ART3: variants seen among roughly 807,000 people sequenced by gnomAD.
ART3 encodes ecto-ADP-ribosyltransferase 3.
A neutral mutation model predicts 48.5 loss-of-function variants in ART3; 49 were observed. The ratio of observed to expected loss-of-function variants is 1.01; its 90% CI spans 0.80 to 1.28. The LOEUF (loss-of-function observed/expected upper bound fraction) is 1.28, where lower values mean the gene tolerates loss of function less well. ART3 is among the 50% of genes most tolerant of loss of function. The pLI is 0.00. For synonymous variants in ART3, 145 were observed against 157.2 expected (o/e 0.92, Z 0.58); for missense variants, 438 against 454.3 (o/e 0.96, Z 0.33).
intron 8 of ART3, 108 bp from the exon 9 acceptor site, chr4:76,103,829 C>CCTT: frequency 1.3e-6 from 1 of 775,760 alleles, no homozygotes; most frequent in South Asian, 2.4e-5. Flanking sequence ...TTCCCCCTGC[C>CCTT]TTTTTTTTTT....
intron 1 of ART3, among the ~76,000 whole-genome samples, chr4:76,047,035 C>T (rs1376899197): frequency 9.2e-5 from 14 of 152,110 alleles, no homozygotes; most frequent in Admixed American, 7.2e-4. Context: ...CCTGTTGTCG[C>T]ATCATCTGGT....
intron 1 of ART3, among the ~76,000 whole-genome samples, chr4:76,054,729 G>T (rs974589955): frequency 3.9e-5 from 6 of 152,122 alleles, no homozygotes; most frequent in African/African-American, 1.4e-4. Context: ...ACCTATTTGG[G>T]AGGCTGAGGC....
chr4:76,046,027 A>C (rs1333350126), intron 1 of ART3, among the ~76,000 whole-genome samples: 1 of 152,038 alleles, frequency 6.6e-6, no homozygotes, highest in Non-Finnish European at 1.5e-5. Flanking sequence ...AGAGATCCAG[A>C]GTAGCCTGCT....
intron 3 of ART3, among the ~76,000 whole-genome samples, chr4:76,089,059 C>A (rs1724244253): frequency 1.3e-5 from 2 of 152,172 alleles, no homozygotes; most frequent in Admixed American, 1.3e-4. Flanking sequence ...CCTTAGTAAA[C>A]ATTTGAAAAA....
chr4:76,050,753 G>A (rs28818603), intron 1 of ART3, among the ~76,000 whole-genome samples: 1 of 152,200 alleles, frequency 6.6e-6, no homozygotes, highest in South Asian at 2.1e-4. Context: ...GCCCATGGAG[G>A]GGGTGGGAGG....
intron 3 of ART3, among the ~76,000 whole-genome samples, chr4:76,090,572 T>G (rs1230279008): frequency 1.3e-5 from 2 of 152,208 alleles, no homozygotes; most frequent in African/African-American, 4.8e-5. Context: ...GCGTCTAATG[T>G]TTCTAACTGT....
intron 3 of ART3, among the ~76,000 whole-genome samples, chr4:76,087,265 G>A (rs1242098283): frequency 1.3e-5 from 2 of 152,156 alleles, no homozygotes; most frequent in African/African-American, 2.4e-5. Context: ...GGAGAAGTGC[G>A]GGTCATTGTG....
upstream of ART3, among the ~76,000 whole-genome samples, chr4:76,070,832 C>A (rs1308896388): frequency 6.6e-6 from 1 of 152,078 alleles, no homozygotes; most frequent in African/African-American, 2.4e-5. Flanking sequence ...CAACCCACTT[C>A]TTTCCAGCAT....
intron 1 of ART3, chr4:76,021,649 G>A: frequency 5.2e-6 from 2 of 387,118 alleles, no homozygotes; most frequent in East Asian, 7.9e-5. Flanking sequence ...AATATTTGAA[G>A]CAGGGTCAGA....
chr4:76,104,726 C>T, intron 10 of ART3, 97 bp downstream of exon 10: 1 of 1,416,654 alleles, frequency 7.1e-7, no homozygotes, highest in Non-Finnish European at 9.7e-7. Context: ...TCATAATTGT[C>T]ATCTATCAAA....
chr4:76,022,096 T>C, intron 1 of ART3: 1 of 849,074 alleles, frequency 1.2e-6, no homozygotes. Flanking sequence ...GGTTGCTTTT[T>C]TCAACCATGA....
chr4:76,087,836 T>C, intron 3 of ART3, among the ~76,000 whole-genome samples: 1 of 152,168 alleles, frequency 6.6e-6, no homozygotes, highest in Non-Finnish European at 1.5e-5. Flanking sequence ...CAATAGAAAA[T>C]TAGCCCAGGT....
intron 1 of ART3, among the ~76,000 whole-genome samples, chr4:76,030,113 A>G (rs749238464): frequency 6.6e-6 from 1 of 152,130 alleles, no homozygotes. Context: ...CTGGAGTGCA[A>G]TGACGCGATC....
intron 1 of ART3, chr4:76,022,679 G>T (rs754904457): frequency 1.7e-4 from 278 of 1,612,602 alleles, no homozygotes; most frequent in Non-Finnish European, 2.3e-4. Flanking sequence ...AATCAGATGG[G>T]ATTTCACTCA....
rs766147367 is a variant in ART3 at position 76,112,425 on chromosome 4, C to T, written c.1076C>T (p.Pro359Leu). 1 of 1,614,098 alleles carries T rather than the reference C, an allele frequency of 6.2e-7. No homozygotes were observed. The highest frequency in any genetic ancestry group is 8.5e-7 in the Non-Finnish European group (1 of 1,179,992). The change falls in exon 12 of 12, where the codon CCT (proline) becomes CTT (leucine). Residue 359 changes from proline to leucine, a missense_variant. By Grantham distance (98) the Pro-to-Leu change is moderately conservative. This residue lies in a region of ART3 where 227 missense variants were observed against 229.6 expected (regional missense o/e 0.99). Coordinates refer to ENST00000355810, the MANE Select transcript of ART3 (RefSeq NM_001130016.3). Reference sequence around the variant, plus strand: ...CCTGTTCCAGGTCCCAAAAGCCATCCTTCTGCATCCTCGGGCAAACTGCTG... The same window carrying T: ...CCTGTTCCAGGTCCCAAAAGCCATCTTTCTGCATCCTCGGGCAAACTGCTG... ...PVPVPGPKSHPSASSGKLLLP... is the reference protein window; with the variant it reads ...PVPVPGPKSHLSASSGKLLLP...
chr4:76,111,541 G>GTTTATTTATTTATTTA (rs34431731), intron 11 of ART3, among the ~76,000 whole-genome samples: 2 of 151,092 alleles, frequency 1.3e-5, no homozygotes, highest in Admixed American at 1.3e-4. Context: ...TAAAAATACA[G>GTTTATTTATTTATTTA]TTTATTTATT....
intron 1 of ART3, chr4:76,023,615 GT>G (rs1263534183): frequency 1.9e-6 from 1 of 523,554 alleles, no homozygotes; most frequent in Admixed American, 3.1e-5. Context: ...TCCTGGGGAA[GT>G]CCCATGTTGC....
At chr4:76,022,236 TA>T in intron 1 of ART3, 1 of 749,854 alleles carries the variant, frequency 1.3e-6, no homozygotes, top group Admixed American at 2.1e-5. Flanking sequence ...TAAATGGAGG[TA>T]GGGGAGGGCG....
chr4:76,086,815 G>A (rs1264149606), intron 3 of ART3, among the ~76,000 whole-genome samples: 4 of 152,184 alleles, frequency 2.6e-5, no homozygotes, highest in Non-Finnish European at 5.9e-5. Context: ...GTTTAGACGA[G>A]CTCATGGGAA....
Sources: allele counts gnomAD v4.1 joint callset (sites outside exome capture counted in the v4.1 genomes callset), GRCh38; gene constraint gnomAD v4.1.1; regional missense constraint gnomAD v4.1.1; transcripts MANE v1.5; gene names NCBI Gene and HGNC (gene_info 2026-07-23, HGNC 2026-07-21).